FAT3: variants seen among roughly 807,000 people sequenced by gnomAD.
The protein encoded by FAT3 is protocadherin Fat 3.
A neutral mutation model predicts 310.2 loss-of-function variants in FAT3; 95 were observed. The ratio of observed to expected loss-of-function variants is 0.31; its 90% CI spans 0.26 to 0.36. The LOEUF is 0.36. Among genes scored for constraint, FAT3 ranks in the 10% least tolerant of loss-of-function variants. FAT3 has a pLI of 1.00. For synonymous variants in FAT3, 2,314 were observed against 2,192.9 expected, an observed-to-expected ratio of 1.06 and a Z score of -1.54; for missense variants, 5,408 against 5,715.6, an observed-to-expected ratio of 0.95 and a Z score of 1.74.
At chr11:92,599,296 T>C (rs192606646) in intron 3 of FAT3, among the ~76,000 whole-genome samples, 18 of 152,202 alleles carry the variant, frequency 1.2e-4, no homozygotes, top group Non-Finnish European at 1.9e-4. Flanking sequence ...CTTCTTCACA[T>C]GGTGGCAGCA....
chr11:92,603,272 G>A (rs1446291069), intron 3 of FAT3, among the ~76,000 whole-genome samples: 1 of 152,108 alleles, frequency 6.6e-6, no homozygotes, highest in Non-Finnish European at 1.5e-5. Context: ...GCATTTCTAG[G>A]GGCGTGCAAT....
chr11:92,443,389 C>G (rs1438947128), intron 2 of FAT3, among the ~76,000 whole-genome samples: 1 of 152,156 alleles, frequency 6.6e-6, no homozygotes, highest in East Asian at 1.9e-4. Context: ...GGGTTTTGTT[C>G]TAACAACTTA....
chr11:92,787,786 TCTG>T (rs1565593318), intron 7 of FAT3, among the ~76,000 whole-genome samples: 1 of 151,864 alleles, frequency 6.6e-6, no homozygotes, highest in East Asian at 1.9e-4. Context: ...TTGGAATTAT[TCTG>T]AGATTTTTGT....
intron 3 of FAT3, among the ~76,000 whole-genome samples, chr11:92,594,543 T>C (rs920841798): frequency 3.3e-5 from 5 of 152,166 alleles, no homozygotes; most frequent in Non-Finnish European, 5.9e-5. Context: ...ATGACCTTAG[T>C]CATTCATTTA....
chr11:92,780,031 G>A lies in FAT3; in HGVS notation c.4335+5851G>A, dbSNP rs116666452. On this transcript the variant is annotated intron_variant, in intron 7 of 27. Coordinates refer to ENST00000525166, the MANE Select transcript of FAT3 (RefSeq NM_001367949.2). The stretch of plus-strand genomic sequence containing the variant: ...GTCAAACAACCTGAATGATTTTGGG[G>A]CAGTCATCCCCAGAGCTTCCAGAAA... Among the ~76,000 whole-genome samples the A allele has an allele frequency of 9.3e-3, 1,411 of 152,236 alleles. 22 individuals carry two copies. Among genetic ancestry groups the A allele is most frequent in the African/African-American group, 0.031 (1,300 of 41,520 alleles).
In FAT3 at chr11:92,728,577, C is replaced by G. The variant is rs768510941; in HGVS notation, c.3669+31132C>G. On this transcript the variant is annotated intron_variant, in intron 4 of 27. Coordinates refer to ENST00000525166, the MANE Select transcript of FAT3 (RefSeq NM_001367949.2). ...TCTGGGGCTGCTATAAAACAAATTACCACAAGCTTGTTGGCTTAAAACAAC... is the reference window on the plus strand; with the variant it reads ...TCTGGGGCTGCTATAAAACAAATTAGCACAAGCTTGTTGGCTTAAAACAAC... Among the ~76,000 whole-genome samples the G allele has an allele frequency of 1.0e-3, 155 of 151,970 alleles. 1 individual carries two copies. The highest frequency in any genetic ancestry group is 2.9e-4 in the Non-Finnish European group (20 of 68,002).
rs1272589448 is a variant in FAT3, at chr11:92,843,939, G to T, written c.10572G>T (p.Lys3524Asn). The T allele has an allele frequency of 1.3e-6, 2 of 1,596,890 alleles. No individual in the cohort carries two copies. Among genetic ancestry groups the T allele is most frequent in the African/African-American group, 2.7e-5 (2 of 74,522 alleles). The change falls in exon 19 of 28, where the codon AAG (lysine) becomes AAT (asparagine). Residue 3524 changes from lysine to asparagine, a missense_variant. By Grantham distance (94) the Lys-to-Asn change is moderately conservative. Coordinates refer to ENST00000525166, the MANE Select transcript of FAT3 (RefSeq NM_001367949.2). ...TCACCTCTTGGTTGTTTTAGGCAAAGGATTCAGGCAAACCCCAGCAAGTTT... is the reference window on the plus strand; with the variant it reads ...TCACCTCTTGGTTGTTTTAGGCAAATGATTCAGGCAAACCCCAGCAAGTTT... ...SLEYVLCVQAKDSGKPQQVSH... is the reference protein window; with the variant it reads ...SLEYVLCVQANDSGKPQQVSH...
chr11:92,825,173 A>C (rs898335324), intron 13 of FAT3, among the ~76,000 whole-genome samples: 1 of 152,208 alleles, frequency 6.6e-6, no homozygotes, highest in Non-Finnish European at 1.5e-5. Flanking sequence ...ATATATGTGT[A>C]CTGTGTGCAT....
In FAT3 at chr11:92,806,403, TA is replaced by T; in HGVS notation, c.9139del (p.Ile3047SerfsTer3). The T allele has an allele frequency of 6.3e-7, 1 of 1,598,208 alleles. No homozygotes were observed. The highest frequency in any genetic ancestry group is 8.5e-7 in the Non-Finnish European group (1 of 1,171,412). On this transcript the variant is annotated frameshift_variant, in exon 12 of 28. Coordinates refer to ENST00000525166, the MANE Select transcript of FAT3 (RefSeq NM_001367949.2). LOFTEE classifies it high-confidence loss of function. Reference sequence around the variant, plus strand: ...TACTTCCTGAAGACATTCCATCAAATAAAATCATCCTGAAAGTCAGTGCAAA... The same window carrying T: ...TACTTCCTGAAGACATTCCATCAAATAAATCATCCTGAAAGTCAGTGCAAA... ...ALLPEDIPSNKIILKVSAKDA... is the reference protein window; with the variant it reads ...ALLPEDIPSNXIILKVSAKDA...
intron 2 of FAT3, among the ~76,000 whole-genome samples, chr11:92,370,071 A>T (rs1178199489): frequency 2.0e-5 from 3 of 152,180 alleles, no homozygotes; most frequent in African/African-American, 7.2e-5. Flanking sequence ...GAGTTCTTTC[A>T]CTCAGACTCA....
At chr11:92,431,502 G>T (rs1166384985) in intron 2 of FAT3, among the ~76,000 whole-genome samples, 1 of 152,132 alleles carries the variant, frequency 6.6e-6, no homozygotes, top group Non-Finnish European at 1.5e-5. Flanking sequence ...CTGTGCAGAA[G>T]CTCTTTAATT....
chr11:92,449,814 A>G (rs1205122370), intron 2 of FAT3, among the ~76,000 whole-genome samples: 1 of 152,204 alleles, frequency 6.6e-6, no homozygotes, highest in Non-Finnish European at 1.5e-5. Flanking sequence ...ATTCAAAACG[A>G]TATTTTATAT....
chr11:92,287,784 A>G (rs1946595237), intron 1 of FAT3, among the ~76,000 whole-genome samples: 1 of 152,128 alleles, frequency 6.6e-6, no homozygotes, highest in Admixed American at 6.6e-5. Flanking sequence ...GTTCCATGAG[A>G]GAGCCAGTCT....
intron 1 of FAT3, among the ~76,000 whole-genome samples, chr11:92,303,942 G>T (rs927064646): frequency 6.6e-6 from 1 of 152,048 alleles, no homozygotes; most frequent in Non-Finnish European, 1.5e-5. Context: ...CAATTGTGTG[G>T]TTACAAAAAG....
intron 3 of FAT3, among the ~76,000 whole-genome samples, chr11:92,581,976 C>T (rs1281823950): frequency 6.6e-6 from 1 of 152,028 alleles, no homozygotes; most frequent in East Asian, 1.9e-4. Context: ...ATAGACAGAG[C>T]AGCCCTAAGG....
Position 92,562,844 on chromosome 11 carries a change from T to G in FAT3, c.3607+37896T>G, listed in dbSNP as rs146907102. 1.8e-3 allele frequency among the ~76,000 whole-genome samples: 273 copies of G among 152,320 alleles called. 2 individuals are homozygous for G. The highest frequency in any genetic ancestry group is 0.017 in the Middle Eastern group (5 of 294). ...TTCTTATATCTGGCCCTCAACAGATTGGATGCTGTCCACTCACACAGGTGA... is the reference window on the plus strand; with the variant it reads ...TTCTTATATCTGGCCCTCAACAGATGGGATGCTGTCCACTCACACAGGTGA... On this transcript the variant is annotated intron_variant, in intron 3 of 27. Coordinates refer to ENST00000525166, the MANE Select transcript of FAT3 (RefSeq NM_001367949.2).
chr11:92,555,037 A>G (rs1954968403), intron 3 of FAT3, among the ~76,000 whole-genome samples: 1 of 149,448 alleles, frequency 6.7e-6, no homozygotes, highest in Non-Finnish European at 1.5e-5. Flanking sequence ...TTTCAATCCT[A>G]TGGTCATGAC....
intron 1 of FAT3, among the ~76,000 whole-genome samples, chr11:92,322,253 A>C (rs757963515): frequency 1.3e-5 from 2 of 152,236 alleles, no homozygotes; most frequent in Non-Finnish European, 2.9e-5. Context: ...TAACCTATTA[A>C]GAATACAATA....
intron 1 of FAT3, among the ~76,000 whole-genome samples, chr11:92,326,794 A>T (rs1263325994): frequency 6.6e-6 from 1 of 152,168 alleles, no homozygotes; most frequent in African/African-American, 2.4e-5. Flanking sequence ...CTTATTTTCT[A>T]TTGGCTATTT....
Sources: gnomAD v4.1 joint callset for allele counts (sites outside exome capture counted in the v4.1 genomes callset) on GRCh38, gnomAD v4.1.1 for gene constraint, MANE v1.5 for transcripts, NCBI Gene and HGNC (gene_info 2026-07-23, HGNC 2026-07-21) for gene names.